Variants in MED6 observed in about 807,000 individuals in gnomAD.
The protein encoded by MED6 is mediator of RNA polymerase II transcription subunit 6.
Under a neutral mutation model 37.5 loss-of-function variants are expected in MED6, and 33 were observed. The ratio of observed to expected loss-of-function variants is 0.88; its 90% CI spans 0.67 to 1.18. MED6 has a LOEUF of 1.18. Among genes scored for constraint, MED6 ranks in the 50% most tolerant of loss-of-function variants. MED6 has a pLI of 0.00. For missense variants in MED6, 235 were observed against 290.6 expected (o/e 0.81, Z 1.39); for synonymous variants, 94 against 93.6 (o/e 1.00, Z -0.02).
At chr14:70,585,262 CATT>C (rs1307684837) in intron 7 of MED6, among the ~76,000 whole-genome samples, 3 of 152,154 alleles carry the variant, frequency 2.0e-5, no homozygotes, top group Non-Finnish European at 4.4e-5. Context: ...CAGAAAACAT[CATT>C]GTGTAAAAAT....
Position 70,592,387 on chromosome 14 carries a change from TA to T in MED6, c.466+492del, listed in dbSNP as rs372817471. On this transcript the variant is annotated intron_variant, in intron 5 of 7. Transcript: ENST00000256379. ...TCCTCTGCTTTGAAGACTGGAGGAA[TA>T]AAGAGTTCCAGATACCAAGATAACT... 6 of 150,376 alleles carry T rather than the reference TA, an allele frequency of 4.0e-5. 1 individual carries two copies. The highest frequency in any genetic ancestry group is 1.2e-4 in the African/African-American group (5 of 40,466). The allele number at this position is 150,376 out of a possible 1,614,324, so 9.3% of individuals were successfully genotyped here. A position where few individuals can be genotyped will look rare whatever the true frequency, so the allele number is the denominator to read the frequency against.
intron 7 of MED6, 75 bp from the exon 8 acceptor site, chr14:70,585,018 C>T: frequency 1.4e-6 from 2 of 1,469,368 alleles, no homozygotes; most frequent in Non-Finnish European, 1.8e-6. Flanking sequence ...ATATGAATGG[C>T]TCACATTTTC....
intron 6 of MED6, among the ~76,000 whole-genome samples, chr14:70,588,426 C>T (rs1467007912): frequency 6.6e-6 from 1 of 152,062 alleles, no homozygotes; most frequent in Non-Finnish European, 1.5e-5. Context: ...TGGCTCATGC[C>T]TATAATCCCA....
At chr14:70,588,647 C>G (rs1404704304) in intron 6 of MED6, among the ~76,000 whole-genome samples, 3 of 150,676 alleles carry the variant, frequency 2.0e-5, no homozygotes, top group Non-Finnish European at 4.4e-5. Flanking sequence ...GATCGTGCCA[C>G]TGCACTCCAG....
At chr14:70,585,108 A>G (rs1213281803) in intron 7 of MED6, among the ~76,000 whole-genome samples, 165 bp from the exon 8 acceptor site, 1 of 152,198 alleles carries the variant, frequency 6.6e-6, no homozygotes, top group South Asian at 2.1e-4. Flanking sequence ...CCCAGTTACA[A>G]ACCTAACAAC....
intron 3 of MED6, chr14:70,594,491 A>T (rs1204351421): frequency 3.2e-6 from 1 of 313,460 alleles, no homozygotes; most frequent in Non-Finnish European, 6.3e-6. Context: ...TGAAAAAAAA[A>T]GTTAATTGTG....
rs765910388 is a variant in MED6, at chr14:70,596,608, T to C, written c.274+3A>G. On this transcript the variant is annotated splice_donor_region_variant and intron_variant, in intron 3 of 7. Coordinates refer to ENST00000256379, the MANE Select transcript of MED6 (RefSeq NM_005466.4). The stretch of plus-strand genomic sequence containing the variant: ...AACAATGCCTAAAGTTTACACATTT[T>C]ACCTTGGGCAGGGGACTGCCGCTGT... 5.0e-6 allele frequency: 8 copies of C among 1,606,220 alleles called. No homozygotes were observed. Among genetic ancestry groups the C allele is most frequent in the South Asian group, 2.2e-5 (2 of 90,740 alleles).
chr14:70,594,712 A>G, intron 3 of MED6: 1 of 462,218 alleles, frequency 2.2e-6, no homozygotes, highest in East Asian at 4.7e-5. Context: ...ACCGGTTTCC[A>G]GGGCAGCTTG....
At chr14:70,587,487 G>A (rs528784687) in intron 6 of MED6, among the ~76,000 whole-genome samples, 1 of 152,266 alleles carries the variant, frequency 6.6e-6, no homozygotes, top group South Asian at 2.1e-4. Flanking sequence ...TTTAAAATAG[G>A]AGAGGAAACA....
In MED6 at chr14:70,584,896, G is replaced by T. The variant is rs1399067167; in HGVS notation, c.658C>A (p.Pro220Thr). The T allele has an allele frequency of 6.2e-7, 1 of 1,613,814 alleles. No individual in the cohort carries two copies. Among genetic ancestry groups the T allele is most frequent in the Non-Finnish European group, 8.5e-7 (1 of 1,179,944 alleles). The change falls in exon 8 of 8, where the codon CCT (proline) becomes ACT (threonine). Residue 220 changes from proline (P) to threonine (T), a missense_variant. By Grantham distance (38) the Pro-to-Thr change is conservative. Coordinates refer to ENST00000256379, the MANE Select transcript of MED6 (RefSeq NM_005466.4). ...TTCTTTGTGGTCTCCTTCTCCTCAGGTTTTACAGTTTCTGGTATAGGTTCT... is the reference window on the plus strand; with the variant it reads ...TTCTTTGTGGTCTCCTTCTCCTCAGTTTTTACAGTTTCTGGTATAGGTTCT... ...EAEPIPETVK[P>T]EEKETTKNVQ...
At chr14:70,588,501 C>T (rs980898879) in intron 6 of MED6, among the ~76,000 whole-genome samples, 4 of 151,438 alleles carry the variant, frequency 2.6e-5, no homozygotes, top group South Asian at 2.1e-4. Context: ...CTGGCTAACG[C>T]GGTGAAACCC....
In MED6 at chr14:70,584,288, G is replaced by A. The variant is rs1884635617; in HGVS notation, c.*525C>T. ...TTTAAACATATCTACCAGTAAACAT[G>A]TGAGTGTGTAGGTTGCTCAAGTCCG... On this transcript the variant is annotated 3_prime_UTR_variant, in exon 8 of 8. Transcript: ENST00000256379. 1 of 615,558 alleles carries A rather than the reference G, an allele frequency of 1.6e-6. No homozygotes were observed. Among genetic ancestry groups the A allele is most frequent in the African/African-American group, 1.8e-5 (1 of 54,328 alleles). The allele number at this position is 615,558 out of a possible 1,614,324, so 38.1% of individuals were successfully genotyped here. A position where few individuals can be genotyped will look rare whatever the true frequency, so the allele number is the denominator to read the frequency against.
intron 4 of MED6, 131 bp downstream of exon 4, chr14:70,593,165 G>A: frequency 1.7e-6 from 2 of 1,208,448 alleles, no homozygotes; most frequent in Non-Finnish European, 2.3e-6. Context: ...AGTAACCAAA[G>A]TTCAAGACAT....
At chr14:70,597,502 A>C (rs1885079039) in intron 2 of MED6, 116 bp downstream of exon 2, 1 of 912,842 alleles carries the variant, frequency 1.1e-6, no homozygotes, top group African/African-American at 1.8e-5. Flanking sequence ...ACCCAAACAA[A>C]ACTCCAGTTT....
At chr14:70,590,210 T>C (rs1485300018) in intron 6 of MED6, among the ~76,000 whole-genome samples, 4 of 152,224 alleles carry the variant, frequency 2.6e-5, no homozygotes, top group African/African-American at 9.7e-5. Flanking sequence ...TGTCTTCCCC[T>C]GGCCTACCTA....
intron 1 of MED6, among the ~76,000 whole-genome samples, chr14:70,599,204 T>C (rs964150235): frequency 5.3e-5 from 8 of 152,218 alleles, no homozygotes; most frequent in African/African-American, 1.7e-4. Flanking sequence ...ACAGGCAGTT[T>C]TGAGCCAAGT....
At chr14:70,589,853 C>T (rs564066457) in intron 6 of MED6, among the ~76,000 whole-genome samples, 10 of 152,324 alleles carry the variant, frequency 6.6e-5, no homozygotes, top group African/African-American at 2.4e-4. Flanking sequence ...TGTTCACTAA[C>T]TCATGTTTCT....
chr14:70,597,591 A>C, intron 2 of MED6, 27 bp downstream of exon 2: 1 of 1,431,700 alleles, frequency 7.0e-7, no homozygotes, highest in Non-Finnish European at 9.2e-7. Context: ...TATTTGGAAA[A>C]AGTGCCACCT....
chr14:70,586,528 C>CA (rs1400880707), intron 6 of MED6, among the ~76,000 whole-genome samples: 1 of 152,144 alleles, frequency 6.6e-6, no homozygotes, highest in African/African-American at 2.4e-5. Flanking sequence ...CATCTACCTT[C>CA]AAACTTATTA....
Sources: gnomAD v4.1 joint callset for allele counts (sites outside exome capture counted in the v4.1 genomes callset) on GRCh38, gnomAD v4.1.1 for gene constraint, MANE v1.5 for transcripts, NCBI Gene and HGNC (gene_info 2026-07-23, HGNC 2026-07-21) for gene names.